The following COL13A1 variants were observed in gnomAD, a reference collection of about 807,000 sequenced individuals.
COL13A1 encodes collagen type XIII alpha 1 chain, also known as collagen alpha-1(XIII) chain.
A neutral mutation model predicts 130.9 loss-of-function variants in COL13A1; 89 were observed. The observed-to-expected ratio is 0.68, with a 90% CI of 0.57 to 0.81. The LOEUF is 0.81. COL13A1 is among the 30% of genes least tolerant of loss of function. COL13A1 has a pLI of 0.00. For synonymous variants in COL13A1, 402 were observed against 341.6 expected, an observed-to-expected ratio of 1.18 and a Z score of -1.95; for missense variants, 879 against 934.6, an observed-to-expected ratio of 0.94 and a Z score of 0.78.
intron 2 of COL13A1, among the ~76,000 whole-genome samples, chr10:69,836,162 T>C (rs914296927): frequency 2.0e-5 from 3 of 152,196 alleles, no homozygotes; most frequent in African/African-American, 7.2e-5. Context: ...CCATGCCCCA[T>C]CCTCAGGAGA....
Position 69,886,911 on chromosome 10 carries a change from G to A in COL13A1, c.514-545G>A, listed in dbSNP as rs934214054. 3.9e-5 allele frequency among the ~76,000 whole-genome samples: 6 copies of A among 152,210 alleles called. No homozygotes were observed. In the East Asian group the frequency reaches 5.8e-4, roughly 15 times the overall value. On this transcript the variant is annotated intron_variant, in intron 7 of 40. Transcript: ENST00000645393. ...CTGCATCCCACAAAGATTAGGGGAT[G>A]CTCAGAGATTGCCCAACTGCTAGGA... is the stretch of plus-strand genomic sequence containing the variant.
At chr10:69,926,031 G>C (rs1005530572) in intron 26 of COL13A1, 159 bp downstream of exon 26, 1 of 620,288 alleles carries the variant, frequency 1.6e-6, no homozygotes, top group Non-Finnish European at 2.8e-6. Context: ...TCTCTCCTTT[G>C]ACCTCCCGCT....
intron 1 of COL13A1, among the ~76,000 whole-genome samples, chr10:69,807,664 T>C (rs1007435302): frequency 2.0e-5 from 3 of 152,206 alleles, no homozygotes; most frequent in African/African-American, 7.2e-5. Context: ...GTGGGTAACC[T>C]GTGCACAGTG....
At chr10:69,918,560 C>T (rs909929848) in intron 19 of COL13A1, among the ~76,000 whole-genome samples, 1 of 152,252 alleles carries the variant, frequency 6.6e-6, no homozygotes, top group Non-Finnish European at 1.5e-5. Context: ...CCTGCCAATG[C>T]ACCAAGGCAG....
chr10:69,958,307 G>A, intron 40 of COL13A1, among the ~76,000 whole-genome samples: 1 of 152,162 alleles, frequency 6.6e-6, no homozygotes, highest in Middle Eastern at 3.2e-3. Flanking sequence ...GACAGAAATG[G>A]TTGTGCTTAG....
chr10:69,805,869 A>G (rs1322318470), intron 1 of COL13A1, among the ~76,000 whole-genome samples: 1 of 152,248 alleles, frequency 6.6e-6, no homozygotes, highest in East Asian at 1.9e-4. Flanking sequence ...AGAGAGGGGA[A>G]ATGGTTTTGT....
intron 35 of COL13A1, 83 bp downstream of exon 35, chr10:69,941,106 C>T (rs1385967139): frequency 8.8e-6 from 14 of 1,599,412 alleles, no homozygotes; most frequent in Non-Finnish European, 1.1e-5. Flanking sequence ...CCACTGTGGC[C>T]TCATTTTCCC....
chr10:69,809,679 G>A (rs566646973), intron 1 of COL13A1, among the ~76,000 whole-genome samples: 1 of 152,364 alleles, frequency 6.6e-6, no homozygotes, highest in South Asian at 2.1e-4. Flanking sequence ...ACCAGCCAGG[G>A]GCTGGGGATC....
At position 69,935,358 on chromosome 10, in the gene COL13A1, G is replaced by T. The variant is rs1381741765; in HGVS notation, c.1737G>T (p.Gly579=). ...TCCCCTTTGGCTTTTAGGTTCCTGG[G>T]CTGCCAGGGCCAGAGGGGCCTCCCG... The part of the protein sequence containing the change: ...EKGNPGAEVP[G]LPGPEGPPGP... Residue 579 remains glycine, a synonymous_variant, in exon 32 of 41, where the codon GGG becomes GGT. Transcript: ENST00000645393. 1.3e-6 allele frequency: 2 copies of T among 1,579,714 alleles called. No individual in the cohort carries two copies. Among genetic ancestry groups the T allele is most frequent in the South Asian group, 2.3e-5 (2 of 85,886 alleles).
chr10:69,840,482 G>A (rs534853162), intron 2 of COL13A1, among the ~76,000 whole-genome samples: 31 of 152,314 alleles, frequency 2.0e-4, no homozygotes, highest in African/African-American at 7.2e-4. Context: ...CTGGCTGAGG[G>A]GGGCCCTCTG....
At chr10:69,897,462 C>G in intron 13 of COL13A1, 2 of 1,613,754 alleles carry the variant, frequency 1.2e-6, no homozygotes, top group Non-Finnish European at 1.7e-6. Context: ...ACCTCCATCC[C>G]CTCCCAAACT....
At chr10:69,868,548 G>C (rs746814433) in intron 3 of COL13A1, among the ~76,000 whole-genome samples, 44 of 152,222 alleles carry the variant, frequency 2.9e-4, no homozygotes, top group Admixed American at 1.5e-3. Context: ...AAAGACCAGA[G>C]GGCGCTGGGG....
In COL13A1 at chr10:69,958,865, C is replaced by T. The variant is rs140694049; in HGVS notation, c.*164C>T. ...TGTACAGAAAATATCAACCTCTTCCCTTTTGTTTACAAGATGTTTTGTATA... is the reference window on the plus strand; with the variant it reads ...TGTACAGAAAATATCAACCTCTTCCTTTTTGTTTACAAGATGTTTTGTATA... On this transcript the variant is annotated 3_prime_UTR_variant, in exon 41 of 41. Transcript: ENST00000645393. 2.1e-6 allele frequency: 2 copies of T among 943,698 alleles called. No individual in the cohort carries two copies. The highest frequency in any genetic ancestry group is 2.7e-5 in the East Asian group (1 of 37,380). 58.5% of individuals were successfully genotyped at this position (943,698 alleles called of 1,614,324 possible).
chr10:69,953,683 G>C (rs968421448), intron 39 of COL13A1, among the ~76,000 whole-genome samples: 7 of 152,260 alleles, frequency 4.6e-5, no homozygotes, highest in Non-Finnish European at 7.3e-5. Context: ...AAGTTTGTCT[G>C]TGTTTACACT....
chr10:69,869,934 C>G (rs1046236791), intron 3 of COL13A1, among the ~76,000 whole-genome samples: 2 of 152,220 alleles, frequency 1.3e-5, no homozygotes, highest in Admixed American at 6.5e-5. Flanking sequence ...GTAGCTAACA[C>G]TTACTGTGTG....
intron 4 of COL13A1, among the ~76,000 whole-genome samples, chr10:69,874,737 C>A (rs1382264618): frequency 6.6e-6 from 1 of 152,200 alleles, no homozygotes; most frequent in Non-Finnish European, 1.5e-5. Flanking sequence ...AGTCACCCTG[C>A]TCTGTGCCTT....
intron 1 of COL13A1, among the ~76,000 whole-genome samples, chr10:69,814,464 G>C (rs368608293): frequency 4.6e-5 from 7 of 152,214 alleles, no homozygotes; most frequent in Non-Finnish European, 1.0e-4. Context: ...GCTCAAGAGA[G>C]AAGTGGCCTT....
Position 69,919,728 on chromosome 10 carries a change from G to A in COL13A1, c.1089+1G>A, listed in dbSNP as rs2064380928. 1 of 398,722 alleles carries A rather than the reference G, an allele frequency of 2.5e-6. No homozygotes were observed. The allele number at this position is 398,722 out of a possible 1,614,324, so 24.7% of individuals were successfully genotyped here. A position where few individuals can be genotyped will look rare whatever the true frequency, so the allele number is the denominator to read the frequency against. ...TTTGCTGGGAAAGAGGGGGCAGAGG[G>A]TAGGATATCGTGTATTTGAGTGTGT... On this transcript the variant is annotated splice_donor_variant, in intron 21 of 40. Transcript: ENST00000645393. LOFTEE classifies it high-confidence loss of function.
intron 25 of COL13A1, 109 bp from the exon 26 acceptor site, chr10:69,925,695 C>A: frequency 1.3e-6 from 1 of 768,330 alleles, no homozygotes; most frequent in South Asian, 1.7e-5. Flanking sequence ...TCTGGGTCCA[C>A]CCATGTGCAG....
Sources: gnomAD v4.1 joint callset for allele counts (sites outside exome capture counted in the v4.1 genomes callset) on GRCh38, gnomAD v4.1.1 for gene constraint, MANE v1.5 for transcripts, NCBI Gene and HGNC (gene_info 2026-07-23, HGNC 2026-07-21) for gene names.